The following AGAP1 variants were observed in gnomAD, a reference collection of about 807,000 sequenced individuals.
AGAP1 encodes the protein arf-GAP with GTPase, ANK repeat and PH domain-containing protein 1.
A neutral mutation model predicts 105.3 loss-of-function variants in AGAP1; 29 were observed. That is an observed-to-expected ratio of 0.28 (90% CI 0.21 to 0.38). AGAP1 has a LOEUF of 0.38. Ranked by LOEUF, AGAP1 falls within the 10% of genes least tolerant of loss-of-function variation. The pLI is 1.00. For missense variants in AGAP1, 998 were observed against 1,165.1 expected (o/e 0.86, Z 2.09); for synonymous variants, 509 against 485.9 (o/e 1.05, Z -0.63).
At position 235,845,209 on chromosome 2, in the gene AGAP1, A is replaced by G. The variant is rs952684397; in HGVS notation, c.1050+37878A>G. On this transcript the variant is annotated intron_variant, in intron 9 of 17. Transcript: ENST00000304032. The surrounding 1 kb of genome is among the most constrained non-coding windows in gnomAD (Gnocchi z 4.8). ...GAAATCTGGGAGCAGCAGCCCAGCC[A>G]TCCCAGGATCTCACAAAGGCCCAGC... 6.6e-6 allele frequency among the ~76,000 whole-genome samples: 1 copy of G among 152,172 alleles called. No homozygotes were observed. Among genetic ancestry groups the G allele is most frequent in the Non-Finnish European group, 1.5e-5 (1 of 68,032 alleles).
At position 235,839,057 on chromosome 2, in the gene AGAP1, T is replaced by G. The variant is rs1267614270; in HGVS notation, c.1050+31726T>G. Among the ~76,000 whole-genome samples, 3 of 152,232 alleles carry G rather than the reference T, an allele frequency of 2.0e-5. No individual in the cohort carries two copies. The East Asian group carries it at 5.8e-4, about 29-fold the overall frequency. ...GTGTGTTGGTGTTTAGAACATCAAC[T>G]CTGTCGGATATTTCATGTGACCGAG... On this transcript the variant is annotated intron_variant, in intron 9 of 17. Coordinates refer to ENST00000304032, the MANE Select transcript of AGAP1 (RefSeq NM_001037131.3).
intron 13 of AGAP1, among the ~76,000 whole-genome samples, chr2:236,006,210 CT>C (rs780461598): frequency 2.0e-4 from 31 of 152,322 alleles, no homozygotes; most frequent in Non-Finnish European, 3.5e-4. Flanking sequence ...ACCCTTTGCC[CT>C]ACACCCCATC....
In AGAP1 at chr2:235,867,712, T is replaced by C. The variant is rs904195990; in HGVS notation, c.1051-15633T>C. Among the ~76,000 whole-genome samples, 1 of 152,146 alleles carries C rather than the reference T, an allele frequency of 6.6e-6. No homozygotes were observed. The highest frequency in any genetic ancestry group is 2.4e-5 in the African/African-American group (1 of 41,432). Reference sequence around the variant, plus strand: ...AATGAGAGGGCAAAAGCAAGATGACTAAGTGTTCGTTACGGAAAAGTGGGA... The same window carrying C: ...AATGAGAGGGCAAAAGCAAGATGACCAAGTGTTCGTTACGGAAAAGTGGGA... On this transcript the variant is annotated intron_variant, in intron 9 of 17. Transcript: ENST00000304032. This position sits in a 1 kb window ranked among gnomAD's most constrained non-coding sequence, Gnocchi z 5.4.
intron 9 of AGAP1, among the ~76,000 whole-genome samples, chr2:235,873,832 G>A (rs1413070499): frequency 6.6e-6 from 1 of 151,742 alleles, no homozygotes; most frequent in African/African-American, 2.4e-5. Context: ...AGCTCAGGCA[G>A]TTCTCTCACC....
At chr2:236,091,528 T>G (rs2059060408) in intron 16 of AGAP1, among the ~76,000 whole-genome samples, 1 of 152,148 alleles carries the variant, frequency 6.6e-6, no homozygotes, top group Non-Finnish European at 1.5e-5. Context: ...CCCAGCACTT[T>G]GGGAGGCTGA....
intron 1 of AGAP1, among the ~76,000 whole-genome samples, chr2:235,558,718 G>A (rs1196216267): frequency 1.3e-5 from 2 of 152,138 alleles, no homozygotes; most frequent in Admixed American, 6.6e-5. Context: ...CGATTAGAAA[G>A]ATGCACCCGC....
intron 10 of AGAP1, among the ~76,000 whole-genome samples, chr2:235,884,977 G>A (rs2050203127): frequency 6.6e-6 from 1 of 152,008 alleles, no homozygotes; most frequent in Non-Finnish European, 1.5e-5. Context: ...CCTTCCCAAT[G>A]TGCTAGGATT....
chr2:236,026,860 T>C (rs567372100), intron 13 of AGAP1, among the ~76,000 whole-genome samples: 1 of 152,322 alleles, frequency 6.6e-6, no homozygotes, highest in South Asian at 2.1e-4. Context: ...GGAAAGCCAC[T>C]AGGAGACCCT....
chr2:235,815,951 G>A (rs1958427523), intron 9 of AGAP1, among the ~76,000 whole-genome samples: 1 of 152,186 alleles, frequency 6.6e-6, no homozygotes, highest in South Asian at 2.1e-4. Context: ...TTCCCTTGCG[G>A]AGGCAGCTCC....
At chr2:235,672,056 A>T (rs1174046902) in intron 1 of AGAP1, among the ~76,000 whole-genome samples, 1 of 152,124 alleles carries the variant, frequency 6.6e-6, no homozygotes, top group Non-Finnish European at 1.5e-5. Context: ...CACCAAAAAA[A>T]AAAATATTAT....
intron 1 of AGAP1, among the ~76,000 whole-genome samples, chr2:235,594,895 T>G (rs1278002235): frequency 2.6e-5 from 4 of 151,114 alleles, no homozygotes; most frequent in African/African-American, 9.7e-5. Flanking sequence ...TTTTTTTTTT[T>G]TTTTTTTTTT....
At chr2:235,632,885 A>G (rs1321798164) in intron 1 of AGAP1, among the ~76,000 whole-genome samples, 1 of 152,070 alleles carries the variant, frequency 6.6e-6, no homozygotes, top group Non-Finnish European at 1.5e-5. Flanking sequence ...AGATTTACAT[A>G]ATTGTTTTAG....
At position 235,959,352 on chromosome 2, in the gene AGAP1, T is replaced by C. The variant is rs1009006123; in HGVS notation, c.1484-9110T>C. On this transcript the variant is annotated intron_variant, in intron 12 of 17. Coordinates refer to ENST00000304032, the MANE Select transcript of AGAP1 (RefSeq NM_001037131.3). The surrounding 1 kb of genome is among the most constrained non-coding windows in gnomAD (Gnocchi z 7.3). ...TGTCAGGCGAGGGGAGTAGTTGGAA[T>C]GGAAAAGCACAGCGTGGAAGCCTAG... Among the ~76,000 whole-genome samples the C allele has an allele frequency of 6.6e-6, 1 of 152,102 alleles. No homozygotes were observed. The highest frequency in any genetic ancestry group is 6.5e-5 in the Admixed American group (1 of 15,276).
At chr2:235,837,682 TG>T (rs902671560) in intron 9 of AGAP1, among the ~76,000 whole-genome samples, 1 of 152,192 alleles carries the variant, frequency 6.6e-6, no homozygotes, top group Admixed American at 6.5e-5. Context: ...AAGTTACTAT[TG>T]TCATGATCTC....
chr2:235,599,006 G>A lies in AGAP1; in HGVS notation c.163+104157G>A, dbSNP rs868801734. ...CTGTCTTCCTCTTGTTGACATTTGC[G>A]TCTGTGGTGGTGTACACAGATGAGC... On this transcript the variant is annotated intron_variant, in intron 1 of 17. Coordinates refer to ENST00000304032, the MANE Select transcript of AGAP1 (RefSeq NM_001037131.3). This position sits in a 1 kb window ranked among gnomAD's most constrained non-coding sequence, Gnocchi z 5.3. 1.3e-5 allele frequency among the ~76,000 whole-genome samples: 2 copies of A among 152,130 alleles called. No individual in the cohort carries two copies. The highest frequency in any genetic ancestry group is 2.1e-4 in the South Asian group (1 of 4,818).
rs963481341 is a variant in AGAP1 at position 236,062,004 on chromosome 2, G to A, written c.2114+12723G>A. Among the ~76,000 whole-genome samples the A allele has an allele frequency of 6.6e-6, 1 of 152,160 alleles. No homozygotes were observed. Among genetic ancestry groups the A allele is most frequent in the Non-Finnish European group, 1.5e-5 (1 of 68,036 alleles). On this transcript the variant is annotated intron_variant, in intron 16 of 17. Transcript: ENST00000304032. This position sits in a 1 kb window ranked among gnomAD's most constrained non-coding sequence, Gnocchi z 4.2. ...CTGGGTGGCGGGGGCCTGGGTGCGG[G>A]CCGAGGGCTGGCGTGGCTGCCCCTC...
rs1361939309 is a variant in AGAP1, at chr2:235,747,959, GC to G, written c.539-2393del. Among the ~76,000 whole-genome samples the G allele has an allele frequency of 4.6e-5, 7 of 152,382 alleles. No homozygotes were observed. Among genetic ancestry groups the G allele is most frequent in the Admixed American group, 4.6e-4 (7 of 15,306 alleles). ...GCCCGCTGGCGGGAGGGGCAGCTCTGCCAGCAGGAGCTCTTTCTGGGCAGTA... is the reference window on the plus strand; with the variant it reads ...GCCCGCTGGCGGGAGGGGCAGCTCTGCAGCAGGAGCTCTTTCTGGGCAGTA... On this transcript the variant is annotated intron_variant, in intron 5 of 17. Coordinates refer to ENST00000304032, the MANE Select transcript of AGAP1 (RefSeq NM_001037131.3). This position sits in a 1 kb window ranked among gnomAD's most constrained non-coding sequence, Gnocchi z 5.0.
chr2:235,814,178 C>T (rs747417861), intron 9 of AGAP1, among the ~76,000 whole-genome samples: 5 of 152,240 alleles, frequency 3.3e-5, no homozygotes, highest in Admixed American at 6.5e-5. Context: ...TGCCTGTCCT[C>T]GCCTATGTCT....
Position 235,720,042 on chromosome 2 carries a change from A to G in AGAP1, c.310+2398A>G, listed in dbSNP as rs1229655693. Among the ~76,000 whole-genome samples, 1 of 152,206 alleles carries G rather than the reference A, an allele frequency of 6.6e-6. No homozygotes were observed. The highest frequency in any genetic ancestry group is 1.5e-5 in the Non-Finnish European group (1 of 68,034). On this transcript the variant is annotated intron_variant, in intron 3 of 17. Transcript: ENST00000304032. This position sits in a 1 kb window ranked among gnomAD's most constrained non-coding sequence, Gnocchi z 5.0. ...GGGAATGGACTTCTACTTCCTGTTC[A>G]TGTGACTGTGTGCCTCATGACAGTG...
Sources: allele counts gnomAD v4.1 joint callset (sites outside exome capture counted in the v4.1 genomes callset), GRCh38; gene constraint gnomAD v4.1.1; non-coding constraint Gnocchi (gnomAD v3.1); transcripts MANE v1.5; gene names NCBI Gene and HGNC (gene_info 2026-07-23, HGNC 2026-07-21).